ROBO2: variants seen among roughly 807,000 people sequenced by gnomAD.
ROBO2 encodes roundabout homolog 2.
Under a neutral mutation model 160.8 loss-of-function variants are expected in ROBO2, and 53 were observed. That is an observed-to-expected ratio of 0.33 (90% CI 0.26 to 0.41). ROBO2 has a LOEUF of 0.41. ROBO2 is among the 10% of genes least tolerant of loss of function. The pLI is 1.00. For missense variants in ROBO2, 1,577 were observed against 1,722.4 expected (o/e 0.92, Z 1.49); for synonymous variants, 664 against 611.7 (o/e 1.09, Z -1.26).
chr3:76,636,973 G>T (rs145391248), intron 2 of ROBO2, among the ~76,000 whole-genome samples: 310 of 152,084 alleles, frequency 2.0e-3, no homozygotes, highest in African/African-American at 7.1e-3. Context: ...AAACTGTGGC[G>T]GTGAATTCAA....
chr3:76,879,139 C>G (rs1400126822), intron 2 of ROBO2, among the ~76,000 whole-genome samples: 1 of 152,048 alleles, frequency 6.6e-6, no homozygotes, highest in African/African-American at 2.4e-5. Flanking sequence ...TTTATGTAAA[C>G]GTTCATTGCT....
At chr3:77,197,464 G>A (rs372625446) in intron 2 of ROBO2, among the ~76,000 whole-genome samples, 4 of 152,256 alleles carry the variant, frequency 2.6e-5, no homozygotes, top group South Asian at 2.1e-4. Flanking sequence ...AAATAATTAC[G>A]TTCTTTAAAA....
At position 77,350,943 on chromosome 3, in the gene ROBO2, A is replaced by C. The variant is rs949576924; in HGVS notation, c.389-126471A>C. Among the ~76,000 whole-genome samples the C allele has an allele frequency of 2.0e-5, 3 of 152,214 alleles. No individual in the cohort carries two copies. The South Asian group carries it at 6.2e-4, about 32-fold the overall frequency. ...TTGGTGGCTTTCTGATTTATCAAGC[A>C]CAGCTGGTCACAAATTATTTTTAAT... On this transcript the variant is annotated intron_variant, in intron 2 of 25. Coordinates refer to ENST00000461745, the Ensembl canonical transcript of ROBO2.
chr3:76,282,214 G>A (rs1026345957), intron 2 of ROBO2, among the ~76,000 whole-genome samples: 9 of 151,950 alleles, frequency 5.9e-5, no homozygotes, highest in Non-Finnish European at 1.2e-4. Flanking sequence ...GTTCTCAAGA[G>A]TACAGCCCTA....
At chr3:77,276,225 A>C (rs1362609479) in intron 2 of ROBO2, among the ~76,000 whole-genome samples, 38 of 151,964 alleles carry the variant, frequency 2.5e-4, no homozygotes, top group Non-Finnish European at 2.9e-5. Flanking sequence ...AACAAAAAAA[A>C]AAAACAAAAG....
chr3:76,975,097 C>T (rs1040997617), intron 2 of ROBO2, among the ~76,000 whole-genome samples: 4 of 152,078 alleles, frequency 2.6e-5, no homozygotes, highest in African/African-American at 7.2e-5. Context: ...ATATTTATAA[C>T]GTGGAAAATA....
At chr3:77,467,072 G>A (rs1445704257) in intron 2 of ROBO2, among the ~76,000 whole-genome samples, 1 of 152,122 alleles carries the variant, frequency 6.6e-6, no homozygotes, top group East Asian at 1.9e-4. Flanking sequence ...AAGGTGGGAG[G>A]AGAGAGGCGA....
intron 2 of ROBO2, among the ~76,000 whole-genome samples, chr3:77,189,020 C>G (rs1431701518): frequency 3.4e-5 from 5 of 148,844 alleles, no homozygotes; most frequent in African/African-American, 1.2e-4. Context: ...CTTTCTGATT[C>G]AAAATACAGA....
At chr3:77,470,133 G>T (rs1447847) in intron 2 of ROBO2, among the ~76,000 whole-genome samples, 56,418 of 151,942 alleles carry the variant, frequency 0.37, 10,469 homozygotes, top group Admixed American at 0.45. Context: ...GGAGGTTACA[G>T]AAATGTCCCT....
chr3:76,601,276 G>T (rs890244018), intron 2 of ROBO2, among the ~76,000 whole-genome samples: 3 of 152,160 alleles, frequency 2.0e-5, no homozygotes, highest in Admixed American at 6.5e-5. Flanking sequence ...CTGGGGTCTG[G>T]AGGATGATGG....
At chr3:76,921,427 C>A (rs940184257) in intron 2 of ROBO2, among the ~76,000 whole-genome samples, 1 of 152,060 alleles carries the variant, frequency 6.6e-6, no homozygotes, top group Non-Finnish European at 1.5e-5. Flanking sequence ...GCCTGACCAA[C>A]ATGGTGAAAT....
At chr3:77,176,161 G>A (rs112125577) in intron 2 of ROBO2, among the ~76,000 whole-genome samples, 88 of 151,890 alleles carry the variant, frequency 5.8e-4, no homozygotes, top group Middle Eastern at 3.4e-3. Context: ...AAAGGAAAGG[G>A]AATTCTAAGA....
chr3:76,067,859 C>T (rs1256683378), intron 2 of ROBO2, among the ~76,000 whole-genome samples: 1 of 152,066 alleles, frequency 6.6e-6, no homozygotes. Context: ...CTTCATTTAT[C>T]TGGCAAACTT....
intron 2 of ROBO2, among the ~76,000 whole-genome samples, chr3:76,476,532 C>G (rs182272551): frequency 1.5e-3 from 233 of 152,216 alleles, no homozygotes; most frequent in African/African-American, 5.2e-3. Flanking sequence ...CAGATTATTG[C>G]TTTGAGCTGC....
intron 21 of ROBO2, among the ~76,000 whole-genome samples, chr3:77,615,880 C>T (rs1025411861): frequency 5.9e-5 from 9 of 151,994 alleles, no homozygotes; most frequent in South Asian, 2.1e-4. Context: ...AAGAATCATC[C>T]GGACATTTAT....
intron 2 of ROBO2, among the ~76,000 whole-genome samples, chr3:76,754,680 C>A (rs1004357709): frequency 1.3e-5 from 2 of 151,810 alleles, no homozygotes; most frequent in Admixed American, 1.3e-4. Context: ...GACAAGACAT[C>A]CCTATCAATA....
chr3:76,425,632 G>A (rs2076191197), intron 2 of ROBO2, among the ~76,000 whole-genome samples: 1 of 151,872 alleles, frequency 6.6e-6, no homozygotes, highest in Non-Finnish European at 1.5e-5. Context: ...GACCAAATTA[G>A]TGAACTCTAT....
intron 2 of ROBO2, among the ~76,000 whole-genome samples, chr3:77,336,417 C>G (rs578141651): frequency 6.8e-5 from 10 of 147,174 alleles, no homozygotes; most frequent in Non-Finnish European, 1.1e-4. Context: ...TTTGGAACTT[C>G]CTTATTTCAT....
At chr3:76,286,101 C>T (rs1485452863) in intron 2 of ROBO2, among the ~76,000 whole-genome samples, 2 of 152,268 alleles carry the variant, frequency 1.3e-5, no homozygotes, top group African/African-American at 2.4e-5. Context: ...TAAAGCAATA[C>T]TTATTATGTA....
Sources: allele counts gnomAD v4.1 joint callset (sites outside exome capture counted in the v4.1 genomes callset), GRCh38; gene constraint gnomAD v4.1.1; transcripts MANE v1.5; gene names NCBI Gene and HGNC (gene_info 2026-07-23, HGNC 2026-07-21).